The following MTNAP1 variants were observed in gnomAD, a reference collection of about 807,000 sequenced individuals.
MTNAP1 encodes the protein mitochondrial nucleoid-associated protein 1.
the MTNAP1 span, chr17:73,236,992 C>G: frequency 1.3e-6 from 2 of 1,543,314 alleles, no homozygotes; most frequent in Non-Finnish European, 1.7e-6. Context: ...AAGACTCTCA[C>G]AAGGTAAACA....
chr17:73,235,591 A>T, the MTNAP1 span: 1 of 1,614,186 alleles, frequency 6.2e-7, no homozygotes, highest in African/African-American at 1.3e-5. Flanking sequence ...AACCATACCT[A>T]CTGATCAAAA....
At chr17:73,243,106 CT>C in the MTNAP1 span, 1 of 603,108 alleles carries the variant, frequency 1.7e-6, no homozygotes, top group Non-Finnish European at 2.7e-6. Flanking sequence ...TTTTTTACAG[CT>C]TTACAGTATC....
chr17:73,241,071 A>C, the MTNAP1 span, among the ~76,000 whole-genome samples: 1 of 152,216 alleles, frequency 6.6e-6, no homozygotes, highest in Non-Finnish European at 1.5e-5. Flanking sequence ...CCAAACCAAG[A>C]CTAGAGAACT....
chr17:73,243,077 A>ATTT, the MTNAP1 span: 53 of 438,412 alleles, frequency 1.2e-4, no homozygotes, highest in South Asian at 3.2e-4. Flanking sequence ...GATTCTCTGA[A>ATTT]TTTTTTTTTT....
the MTNAP1 span, chr17:73,243,178 C>G: frequency 1.5e-6 from 1 of 651,116 alleles, no homozygotes; most frequent in Non-Finnish European, 2.7e-6. Context: ...TTTTGAGATA[C>G]AGTTTTGCTC....
the MTNAP1 span, among the ~76,000 whole-genome samples, chr17:73,234,430 G>T: frequency 6.9e-6 from 1 of 145,570 alleles, no homozygotes; most frequent in Non-Finnish European, 1.5e-5. Context: ...GGTGTCTCAC[G>T]CCTGTAATCC....
the MTNAP1 span, among the ~76,000 whole-genome samples, chr17:73,239,122 G>A: frequency 6.6e-6 from 1 of 152,042 alleles, no homozygotes; most frequent in Non-Finnish European, 1.5e-5. Flanking sequence ...TTTTAGTAGA[G>A]ATGGGGTTTC....
At chr17:73,235,441 T>G in the MTNAP1 span, 4 of 1,517,054 alleles carry the variant, frequency 2.6e-6, no homozygotes, top group South Asian at 4.8e-5. Context: ...GTACAAACTA[T>G]GTGCTTCTCA....
the MTNAP1 span, chr17:73,248,388 C>G: frequency 9.8e-7 from 1 of 1,018,956 alleles, no homozygotes; most frequent in South Asian, 1.4e-5. Context: ...TTTTAAACAG[C>G]CTTATAAGTT....
At chr17:73,239,845 C>A in the MTNAP1 span, among the ~76,000 whole-genome samples, 2 of 151,924 alleles carry the variant, frequency 1.3e-5, no homozygotes, top group Admixed American at 1.3e-4. Flanking sequence ...TAAGTGACTT[C>A]CCTATGTTCA....
chr17:73,245,869 A>G, the MTNAP1 span: 1 of 324,596 alleles, frequency 3.1e-6, no homozygotes, highest in Non-Finnish European at 4.4e-6. Context: ...CTTCCTGGAA[A>G]CTTTTCAGAA....
At chr17:73,248,885 CTT>C in the MTNAP1 span, 1 of 230,564 alleles carries the variant, frequency 4.3e-6, no homozygotes, top group Non-Finnish European at 8.6e-6. Context: ...TCAGCAGACT[CTT>C]TTATACTTTA....
the MTNAP1 span, among the ~76,000 whole-genome samples, chr17:73,234,977 G>A: frequency 0.51 from 78,053 of 151,638 alleles, 20,139 homozygotes; most frequent in East Asian, 0.62. Context: ...GCACTTTAGG[G>A]GGCTGAGGTG....
At chr17:73,247,500 A>G in the MTNAP1 span, 1 of 643,738 alleles carries the variant, frequency 1.6e-6, no homozygotes, top group Admixed American at 2.8e-5. Flanking sequence ...TATCACTGCT[A>G]TAAATAAAGT....
At chr17:73,234,994 T>C in the MTNAP1 span, among the ~76,000 whole-genome samples, 1 of 152,054 alleles carries the variant, frequency 6.6e-6, no homozygotes. Context: ...GGTGGGTGGA[T>C]TGCCAGAGCT....
chr17:73,234,127 A>C, the MTNAP1 span, among the ~76,000 whole-genome samples: 20 of 152,284 alleles, frequency 1.3e-4, no homozygotes, highest in African/African-American at 4.6e-4. Flanking sequence ...AAGTGAACAA[A>C]TATTGTATGC....
At chr17:73,235,918 A>T in the MTNAP1 span, 1 of 1,614,072 alleles carries the variant, frequency 6.2e-7, no homozygotes, top group South Asian at 1.1e-5. Flanking sequence ...ATCAGAGAAA[A>T]CCTCTCCTAA....
At chr17:73,236,021 C>A in the MTNAP1 span, 1 of 1,614,102 alleles carries the variant, frequency 6.2e-7, no homozygotes. Flanking sequence ...TCAATAGAAC[C>A]TTCTTTGTCA....
the MTNAP1 span, chr17:73,248,656 G>A: frequency 2.0e-4 from 194 of 986,826 alleles, 1 homozygote; most frequent in African/African-American, 2.5e-3. Context: ...TTGAGAGGAC[G>A]TATTTGAAGG....
Sources: allele counts gnomAD v4.1 joint callset (sites outside exome capture counted in the v4.1 genomes callset), GRCh38; gene constraint gnomAD v4.1.1; transcripts MANE v1.5; gene names NCBI Gene and HGNC (gene_info 2026-07-23, HGNC 2026-07-21).